Variants in NDC1 observed in about 807,000 individuals in gnomAD.
NDC1 encodes nucleoporin NDC1.
Under a neutral mutation model 89.8 loss-of-function variants are expected in NDC1, and 24 were observed. The observed-to-expected ratio is 0.27, with a 90% CI of 0.19 to 0.38. The LOEUF (loss-of-function observed/expected upper bound fraction) is 0.38, where lower values mean the gene tolerates loss of function less well. NDC1 is among the 10% of genes least tolerant of loss of function. The pLI is 1.00. For synonymous variants in NDC1, 296 were observed against 284.8 expected, an observed-to-expected ratio of 1.04 and a Z score of -0.39; for missense variants, 728 against 797.6, an observed-to-expected ratio of 0.91 and a Z score of 1.05.
In NDC1 at chr1:53,766,179, A is replaced by C. The variant is rs1647064291; in HGVS notation, c.*1791T>G. The C allele has an allele frequency of 6.6e-6, 1 of 151,688 alleles. No homozygotes were observed. 9.4% of individuals were successfully genotyped at this position (151,688 alleles called of 1,614,324 possible). A position where few individuals can be genotyped will look rare whatever the true frequency, so the allele number is the denominator to read the frequency against. On this transcript the variant is annotated 3_prime_UTR_variant, in exon 18 of 18. Coordinates refer to ENST00000371429, the MANE Select transcript of NDC1 (RefSeq NM_018087.5). The stretch of plus-strand genomic sequence containing the variant: ...GTATATAGGAAATGGCAAAAACCTA[A>C]CCTAGCTGGACATTTTATACAAGTA...
chr1:53,771,613 T>C (rs1412295133), intron 17 of NDC1, among the ~76,000 whole-genome samples: 2 of 152,234 alleles, frequency 1.3e-5, no homozygotes, highest in Admixed American at 1.3e-4. Flanking sequence ...AAATTGAATT[T>C]TTAACTTTAT....
chr1:53,796,691 G>T lies in NDC1; in HGVS notation c.1582C>A (p.Gln528Lys). Residue 528 changes from glutamine (Q) to lysine (K), a missense_variant and splice_region_variant, in exon 13 of 18, where the codon CAG becomes AAG. Gln to Lys is a moderately conservative substitution (Grantham distance 53). Coordinates refer to ENST00000371429, the MANE Select transcript of NDC1 (RefSeq NM_018087.5). ...ATCCTATAACCATATCATCCTACCT[G>T]TTCACGTTTATTCTGAATCCATGAA... ...IYSWIQNKRE[Q>K]IKNFLSKRVL... 6.3e-7 allele frequency: 1 copy of T among 1,583,116 alleles called. No individual in the cohort carries two copies. Among genetic ancestry groups the T allele is most frequent in the South Asian group, 1.1e-5 (1 of 88,116 alleles).
chr1:53,814,459 G>A (rs1454878718), intron 6 of NDC1, among the ~76,000 whole-genome samples: 1 of 152,090 alleles, frequency 6.6e-6, no homozygotes, highest in Non-Finnish European at 1.5e-5. Context: ...GGTGCTAAGA[G>A]GAAAGTTCAT....
chr1:53,778,026 T>C (rs1377714424), intron 16 of NDC1, among the ~76,000 whole-genome samples: 2 of 151,858 alleles, frequency 1.3e-5, no homozygotes, highest in South Asian at 2.1e-4. Context: ...AGTGATGTGA[T>C]GTTGTAACAA....
intron 16 of NDC1, among the ~76,000 whole-genome samples, chr1:53,785,505 T>C (rs958668413): frequency 6.6e-5 from 10 of 152,140 alleles, no homozygotes; most frequent in Non-Finnish European, 1.5e-4. Context: ...CTTTGATGGG[T>C]AAGATTTTCT....
At chr1:53,801,765 G>T (rs1245517129) in intron 10 of NDC1, among the ~76,000 whole-genome samples, 2 of 152,058 alleles carry the variant, frequency 1.3e-5, no homozygotes. Context: ...TTAAATTTTT[G>T]TTTGTTTTTG....
At chr1:53,794,928 C>T (rs891077551) in intron 13 of NDC1, among the ~76,000 whole-genome samples, 2 of 152,074 alleles carry the variant, frequency 1.3e-5, no homozygotes, top group African/African-American at 4.8e-5. Context: ...CCAGCTATTG[C>T]CCCATTTTTC....
chr1:53,774,049 G>A lies in NDC1; in HGVS notation c.1801-1560C>T, dbSNP rs149702718. 6.3e-3 allele frequency among the ~76,000 whole-genome samples: 961 copies of A among 152,266 alleles called. 6 individuals carry two copies. The highest frequency in any genetic ancestry group is 8.3e-3 in the Non-Finnish European group (565 of 68,026). ...TGCCTCTGGAAACTGCTAAGTTAGCGATCTCAACCATCTGCTTTCCAGCTT... is the reference window on the plus strand; with the variant it reads ...TGCCTCTGGAAACTGCTAAGTTAGCAATCTCAACCATCTGCTTTCCAGCTT... On this transcript the variant is annotated intron_variant, in intron 16 of 17. Transcript: ENST00000371429.
chr1:53,784,135 T>A (rs1199570509), intron 16 of NDC1, among the ~76,000 whole-genome samples: 2 of 152,026 alleles, frequency 1.3e-5, no homozygotes, highest in African/African-American at 4.8e-5. Context: ...ACCAGCATTT[T>A]AAAAAATGAA....
rs747955631 is a variant in NDC1, at chr1:53,806,502, C to G, written c.907G>C (p.Val303Leu). Reference sequence around the variant, plus strand: ...GACCCTTCTGCAAATGGTGGTTGAACAGGAAACACATGAGCCTATCAAATA... The same window carrying G: ...GACCCTTCTGCAAATGGTGGTTGAAGAGGAAACACATGAGCCTATCAAATA... ...IYATEAHVFP[V>L]QPPFAEGSDE... Residue 303 changes from valine to leucine, a missense_variant, in exon 9 of 18, where the codon GTT (valine) becomes CTT (leucine). Val to Leu is a conservative substitution (Grantham distance 32). Coordinates refer to ENST00000371429, the MANE Select transcript of NDC1 (RefSeq NM_018087.5). 1 of 1,514,280 alleles carries G rather than the reference C, an allele frequency of 6.6e-7. No individual in the cohort carries two copies. The highest frequency in any genetic ancestry group is 2.5e-5 in the Admixed American group (1 of 40,116). The allele number at this position is 1,514,280 out of a possible 1,614,324, so 93.8% of individuals were successfully genotyped here. A position where few individuals can be genotyped will look rare whatever the true frequency, so the allele number is the denominator to read the frequency against.
intron 1 of NDC1, among the ~76,000 whole-genome samples, chr1:53,837,835 A>G (rs1649287666): frequency 6.6e-6 from 1 of 152,186 alleles, no homozygotes; most frequent in African/African-American, 2.4e-5. Context: ...CTAATGCCAC[A>G]TTTCTTTCCA....
intron 7 of NDC1, among the ~76,000 whole-genome samples, chr1:53,809,396 G>A (rs1648224217): frequency 6.6e-6 from 1 of 151,982 alleles, no homozygotes; most frequent in South Asian, 2.1e-4. Context: ...CTATTGCCTA[G>A]GCTGGAGTGC....
At chr1:53,775,553 C>T (rs1218263988) in intron 16 of NDC1, among the ~76,000 whole-genome samples, 1 of 152,174 alleles carries the variant, frequency 6.6e-6, no homozygotes, top group Non-Finnish European at 1.5e-5. Context: ...GCTACCGCAC[C>T]TGGCTGCAAA....
chr1:53,766,122 C>T lies in NDC1; in HGVS notation c.*1848G>A, dbSNP rs1160475553. Reference sequence around the variant, plus strand: ...AGGAATGAACATTCTCAGAAACATTCACATTGCTCATCAAATGTAGCTTTA... The same window carrying T: ...AGGAATGAACATTCTCAGAAACATTTACATTGCTCATCAAATGTAGCTTTA... On this transcript the variant is annotated 3_prime_UTR_variant, in exon 18 of 18. Transcript: ENST00000371429. The T allele has an allele frequency of 3.9e-5, 6 of 152,174 alleles. No homozygotes were observed. The highest frequency in any genetic ancestry group is 7.3e-5 in the Non-Finnish European group (5 of 68,036). 9.4% of individuals were successfully genotyped at this position (152,174 alleles called of 1,614,324 possible).
intron 5 of NDC1, among the ~76,000 whole-genome samples, chr1:53,820,756 A>G (rs1366307645): frequency 7.4e-6 from 1 of 134,632 alleles, no homozygotes; most frequent in Non-Finnish European, 1.5e-5. Flanking sequence ...TGCCTCCCAG[A>G]CTCAAGTGAA....
intron 16 of NDC1, among the ~76,000 whole-genome samples, chr1:53,774,240 G>A (rs1251799542): frequency 6.6e-6 from 1 of 152,158 alleles, no homozygotes; most frequent in African/African-American, 2.4e-5. Flanking sequence ...GAATTTCACT[G>A]AATTTAGTGT....
intron 16 of NDC1, among the ~76,000 whole-genome samples, chr1:53,775,320 G>T (rs1368392837): frequency 6.7e-6 from 1 of 148,542 alleles, no homozygotes. Context: ...ACAGTAGTGT[G>T]ATCTCGGCTC....
intron 1 of NDC1, among the ~76,000 whole-genome samples, chr1:53,835,843 C>T (rs940578665): frequency 3.9e-5 from 6 of 152,122 alleles, no homozygotes; most frequent in African/African-American, 1.2e-4. Flanking sequence ...AAATATCATA[C>T]TTTGTATGAG....
intron 9 of NDC1, among the ~76,000 whole-genome samples, chr1:53,804,456 G>A (rs1648035214): frequency 6.6e-6 from 1 of 152,244 alleles, no homozygotes; most frequent in South Asian, 2.1e-4. Context: ...CAAAGGCAGT[G>A]CCTAGCACGT....
Sources: gnomAD v4.1 joint callset for allele counts (sites outside exome capture counted in the v4.1 genomes callset) on GRCh38, gnomAD v4.1.1 for gene constraint, MANE v1.5 for transcripts, NCBI Gene and HGNC (gene_info 2026-07-23, HGNC 2026-07-21) for gene names.